Variants in SPECC1 observed in about 807,000 individuals in gnomAD.
SPECC1 encodes the protein cytospin-B.
SPECC1 carries 62 observed loss-of-function variants against 104.1 expected under a neutral mutation model. The observed-to-expected ratio is 0.60, with a 90% CI of 0.49 to 0.74. The LOEUF is 0.74. Among genes scored for constraint, SPECC1 ranks in the 30% least tolerant of loss-of-function variants. The pLI, the probability that SPECC1 is intolerant of heterozygous loss-of-function variation, is 0.00. For missense variants in SPECC1, 1,306 were observed against 1,310.5 expected, an observed-to-expected ratio of 1.00 and a Z score of 0.05; for synonymous variants, 513 against 501.6, an observed-to-expected ratio of 1.02 and a Z score of -0.30.
intron 1 of SPECC1, among the ~76,000 whole-genome samples, chr17:20,088,929 G>A (rs889542672): frequency 1.8e-4 from 28 of 152,206 alleles, no homozygotes; most frequent in African/African-American, 5.5e-4. Context: ...CATGTGAGGC[G>A]CAGCAAGAAG....
intron 4 of SPECC1, among the ~76,000 whole-genome samples, chr17:20,215,074 C>T (rs2037401617): frequency 6.6e-6 from 1 of 152,238 alleles, no homozygotes; most frequent in African/African-American, 2.4e-5. Flanking sequence ...CCGATGCAGC[C>T]ACAGAGGAGA....
At chr17:20,139,201 G>A (rs1241670832) in intron 3 of SPECC1, among the ~76,000 whole-genome samples, 1 of 152,166 alleles carries the variant, frequency 6.6e-6, no homozygotes, top group Non-Finnish European at 1.5e-5. Flanking sequence ...CTCCCATGTG[G>A]GAAGCTCTGT....
intron 7 of SPECC1, chr17:20,238,993 C>T (rs923747530): frequency 9.6e-7 from 1 of 1,036,918 alleles, no homozygotes; most frequent in Non-Finnish European, 1.2e-6. Context: ...ACTTCAAAGT[C>T]ACATCAAGTA....
chr17:20,311,460 G>T (rs1177632483), intron 14 of SPECC1, among the ~76,000 whole-genome samples: 3 of 151,632 alleles, frequency 2.0e-5, no homozygotes, highest in Non-Finnish European at 4.4e-5. Flanking sequence ...GCATGATCTC[G>T]GCTCACTGCA....
At chr17:20,116,971 TC>T (rs2048794874) in intron 3 of SPECC1, among the ~76,000 whole-genome samples, 1 of 151,896 alleles carries the variant, frequency 6.6e-6, no homozygotes, top group South Asian at 2.1e-4. Flanking sequence ...TGCTGAGAAA[TC>T]CTGACCTAGC....
At chr17:20,198,682 C>T (rs1052685016) in intron 3 of SPECC1, among the ~76,000 whole-genome samples, 22 of 152,232 alleles carry the variant, frequency 1.4e-4, no homozygotes, top group African/African-American at 5.3e-4. Context: ...CTCTATCCCT[C>T]ATAAGTTGGA....
At chr17:20,261,181 A>T (rs1398624385) in intron 12 of SPECC1, among the ~76,000 whole-genome samples, 1 of 152,032 alleles carries the variant, frequency 6.6e-6, no homozygotes, top group East Asian at 1.9e-4. Context: ...AGTGGGGATG[A>T]GCTGAAGCCA....
chr17:20,314,900 C>G lies in SPECC1; in HGVS notation c.*835C>G, dbSNP rs2042019476. 2 of 232,224 alleles carry G rather than the reference C, an allele frequency of 8.6e-6. No homozygotes were observed. The highest frequency in any genetic ancestry group is 3.6e-4 in the South Asian group (2 of 5,514). 14.4% of individuals were successfully genotyped at this position (232,224 alleles called of 1,614,324 possible). ...GAAAGCCTGTGAGAATGCAAGGGAG[C>G]CCCTGGCTGCTTTGCTGGAGTCCCT... On this transcript the variant is annotated 3_prime_UTR_variant, in exon 15 of 15. Transcript: ENST00000395527.
chr17:20,162,259 C>T (rs959756242), intron 3 of SPECC1, among the ~76,000 whole-genome samples: 4 of 152,128 alleles, frequency 2.6e-5, no homozygotes, highest in Admixed American at 2.6e-4. Flanking sequence ...CATTCTCCTG[C>T]CTCAGCCTCC....
chr17:20,044,445 A>G (rs2045458005), intron 1 of SPECC1, among the ~76,000 whole-genome samples: 3 of 152,096 alleles, frequency 2.0e-5, no homozygotes, highest in South Asian at 2.1e-4. Flanking sequence ...TGACTCTGCT[A>G]CTATATAGTT....
chr17:20,085,851 C>G lies in SPECC1; in HGVS notation c.-21-10780C>G, dbSNP rs2047156422. Among the ~76,000 whole-genome samples the G allele has an allele frequency of 2.0e-5, 3 of 152,230 alleles. No individual in the cohort carries two copies. In the South Asian group the frequency reaches 6.2e-4, roughly 32 times the overall value. ...ATTCCCTGTTCAGTGGAGGGGATAT[C>G]CACCACGACTCTGGGTACCCACGGC... On this transcript the variant is annotated intron_variant, in intron 1 of 14. Coordinates refer to ENST00000395527, the MANE Select transcript of SPECC1 (RefSeq NM_001243439.2).
intron 3 of SPECC1, among the ~76,000 whole-genome samples, chr17:20,186,756 G>A (rs6587221): frequency 0.24 from 36,674 of 151,908 alleles, 5,428 homozygotes; most frequent in African/African-American, 0.42. Flanking sequence ...AGTAGAGATG[G>A]GTGTCTCACT....
At chr17:20,259,917 A>C (rs891333946) in intron 11 of SPECC1, among the ~76,000 whole-genome samples, 2 of 152,224 alleles carry the variant, frequency 1.3e-5, no homozygotes, top group Non-Finnish European at 2.9e-5. Flanking sequence ...TAAGTAAACA[A>C]ATGAAAGACT....
chr17:20,017,362 C>T (rs1432959695), intron 1 of SPECC1: 1 of 152,770 alleles, frequency 6.5e-6, no homozygotes, highest in East Asian at 1.9e-4. Context: ...AGCTGTAACA[C>T]TCGCCGCGAA....
At chr17:20,231,182 TC>T (rs36006000) in intron 5 of SPECC1, among the ~76,000 whole-genome samples, 2 of 152,146 alleles carry the variant, frequency 1.3e-5, no homozygotes, top group Non-Finnish European at 1.5e-5. Context: ...AATGCACACA[TC>T]CCCGGGTTCT....
At chr17:20,025,015 C>T (rs979535040) in intron 1 of SPECC1, among the ~76,000 whole-genome samples, 14 of 152,184 alleles carry the variant, frequency 9.2e-5, no homozygotes, top group African/African-American at 1.7e-4. Context: ...ATAGGAAAAG[C>T]GGACATTAAA....
chr17:20,038,089 G>A (rs1157388843), intron 1 of SPECC1, among the ~76,000 whole-genome samples: 1 of 151,976 alleles, frequency 6.6e-6, no homozygotes, highest in Non-Finnish European at 1.5e-5. Flanking sequence ...CTAATAACTG[G>A]TAATCCGTGT....
At chr17:20,212,846 A>C (rs895373928) in intron 4 of SPECC1, among the ~76,000 whole-genome samples, 2 of 152,198 alleles carry the variant, frequency 1.3e-5, no homozygotes, top group African/African-American at 4.8e-5. Context: ...AATTATATTA[A>C]TATGTTTAAA....
At chr17:20,221,138 C>G (rs2037849668) in intron 4 of SPECC1, among the ~76,000 whole-genome samples, 2 of 151,996 alleles carry the variant, frequency 1.3e-5, no homozygotes, top group Admixed American at 1.3e-4. Context: ...TTTCATGTAT[C>G]TTTCTTTGTC....
Sources: gnomAD v4.1 joint callset for allele counts (sites outside exome capture counted in the v4.1 genomes callset) on GRCh38, gnomAD v4.1.1 for gene constraint, MANE v1.5 for transcripts, NCBI Gene and HGNC (gene_info 2026-07-23, HGNC 2026-07-21) for gene names.